RBFOX1: variants seen among roughly 807,000 people sequenced by gnomAD.
RBFOX1 encodes the protein RNA binding protein fox-1 homolog 1.
A neutral mutation model predicts 57.7 loss-of-function variants in RBFOX1; 8 were observed. That is an observed-to-expected ratio of 0.14 (90% confidence interval 0.08 to 0.25). The LOEUF is 0.25. Among genes scored for constraint, RBFOX1 ranks in the 10% least tolerant of loss-of-function variants. The pLI, the probability that RBFOX1 is intolerant of heterozygous loss-of-function variation, is 1.00. For missense variants in RBFOX1, 611 were observed against 548.5 expected (o/e 1.11, Z -1.14); for synonymous variants, 326 against 222.4 (o/e 1.47, Z -4.15).
chr16:7,394,235 C>CAAAAAAAAAAAAAAAAAAAAAA (rs59934126), intron 4 of RBFOX1, among the ~76,000 whole-genome samples: 5 of 55,024 alleles, frequency 9.1e-5, no homozygotes, highest in Non-Finnish European at 1.2e-4. Flanking sequence ...GACTCCGCAT[C>CAAAAAAAAAAAAAAAAAAAAAA]AAAAAAAAAA....
downstream of RBFOX1, among the ~76,000 whole-genome samples, chr16:5,602,111 G>C (rs895721817): frequency 7.9e-5 from 12 of 152,174 alleles, no homozygotes; most frequent in Admixed American, 2.6e-4. Flanking sequence ...GGTCCTTCTG[G>C]CTGGACTCTC....
chr16:6,178,808 T>C (rs923131544), intron 1 of RBFOX1, among the ~76,000 whole-genome samples: 9 of 152,190 alleles, frequency 5.9e-5, no homozygotes, highest in Non-Finnish European at 1.5e-5. Flanking sequence ...TTGATCTTTT[T>C]AGCAAGGGCC....
intron 3 of RBFOX1, among the ~76,000 whole-genome samples, chr16:5,634,736 T>A (rs1425409246): frequency 1.3e-5 from 2 of 152,206 alleles, no homozygotes; most frequent in Non-Finnish European, 2.9e-5. Context: ...CAGCGTATTC[T>A]CTCCATTTCT....
chr16:6,901,448 G>A (rs750543507), intron 3 of RBFOX1, among the ~76,000 whole-genome samples: 3 of 152,136 alleles, frequency 2.0e-5, no homozygotes, highest in African/African-American at 4.8e-5. Flanking sequence ...GTCAAAGGGT[G>A]CCTGGCCTAT....
intron 4 of RBFOX1, among the ~76,000 whole-genome samples, chr16:7,381,013 AAC>A (rs1479065946): frequency 6.6e-6 from 1 of 152,182 alleles, no homozygotes; most frequent in Non-Finnish European, 1.5e-5. Flanking sequence ...TCTTGCATGA[AAC>A]ACTTTCTTGG....
At chr16:6,297,032 C>T (rs1445373737) in intron 1 of RBFOX1, among the ~76,000 whole-genome samples, 2 of 152,194 alleles carry the variant, frequency 1.3e-5, no homozygotes, top group African/African-American at 4.8e-5. Context: ...GTGGGTTATT[C>T]ATGCCTCCCC....
Position 6,779,879 on chromosome 16 carries a change from T to TTA in RBFOX1, c.-16+125237_-16+125238dup, listed in dbSNP as rs1228615512. ...TATATATTTATATATTTATATATAT[T>TTA]TATATATATTTATATATATTTATAT... On this transcript the variant is annotated intron_variant, in intron 3 of 15. Transcript: ENST00000550418. Among the ~76,000 whole-genome samples, 2 of 8,010 alleles carry TTA rather than the reference T, an allele frequency of 2.5e-4. 1 individual carries two copies. Among genetic ancestry groups the TTA allele is most frequent in the African/African-American group, 1.1e-3 (2 of 1,872 alleles). The allele number at this position is 8,010 out of a possible 152,430, so 5.3% of individuals were successfully genotyped here. A position where few individuals can be genotyped will look rare whatever the true frequency, so the allele number is the denominator to read the frequency against.
chr16:7,015,472 C>A (rs1463570146), intron 3 of RBFOX1, among the ~76,000 whole-genome samples: 1 of 152,128 alleles, frequency 6.6e-6, no homozygotes, highest in East Asian at 1.9e-4. Flanking sequence ...TTTTGCTCAT[C>A]AGTGTTCAGA....
intron 1 of RBFOX1, among the ~76,000 whole-genome samples, chr16:6,247,762 A>C (rs1374955617): frequency 1.3e-5 from 2 of 152,208 alleles, no homozygotes; most frequent in Non-Finnish European, 1.5e-5. Context: ...GGCAAGGCTG[A>C]ATTACTCTAC....
chr16:6,044,540 T>C (rs1020640227), intron 1 of RBFOX1, among the ~76,000 whole-genome samples: 15 of 151,926 alleles, frequency 9.9e-5, no homozygotes, highest in African/African-American at 3.1e-4. Context: ...AATGAGCTAA[T>C]TACAGAGAGT....
intron 3 of RBFOX1, among the ~76,000 whole-genome samples, chr16:7,034,579 T>G (rs1448116880): frequency 6.6e-6 from 1 of 152,038 alleles, no homozygotes; most frequent in Non-Finnish European, 1.5e-5. Context: ...TTTTAACTTC[T>G]GTGAAATATC....
chr16:7,622,163 C>T (rs902023942), intron 10 of RBFOX1, among the ~76,000 whole-genome samples: 1 of 152,114 alleles, frequency 6.6e-6, no homozygotes, highest in Non-Finnish European at 1.5e-5. Flanking sequence ...ATTGTTAGAA[C>T]CATGGGTCCA....
chr16:7,474,247 A>G (rs1253245286), intron 4 of RBFOX1, among the ~76,000 whole-genome samples: 1 of 151,470 alleles, frequency 6.6e-6, no homozygotes, highest in East Asian at 2.0e-4. Context: ...AGATCGCGCC[A>G]TTGCACTCCA....
At chr16:5,911,406 A>C (rs1436216954) in intron 4 of RBFOX1, among the ~76,000 whole-genome samples, 1 of 152,178 alleles carries the variant, frequency 6.6e-6, no homozygotes, top group African/African-American at 2.4e-5. Flanking sequence ...CTTGCTGTTG[A>C]GATAAGCACA....
chr16:7,158,449 C>T (rs1229344448), intron 4 of RBFOX1, among the ~76,000 whole-genome samples: 1 of 152,188 alleles, frequency 6.6e-6, no homozygotes, highest in Non-Finnish European at 1.5e-5. Flanking sequence ...ATACCACCTA[C>T]TGATGCAATC....
intron 3 of RBFOX1, among the ~76,000 whole-genome samples, chr16:6,987,008 C>G (rs1015204414): frequency 5.3e-5 from 8 of 152,090 alleles, no homozygotes; most frequent in Admixed American, 4.6e-4. Context: ...TTGGTTAGTC[C>G]ATTCTGAGTG....
chr16:6,143,112 T>C (rs1420669593), intron 1 of RBFOX1, among the ~76,000 whole-genome samples: 1 of 152,228 alleles, frequency 6.6e-6, no homozygotes, highest in African/African-American at 2.4e-5. Context: ...TAAGCTCCAC[T>C]TACTTCTGTG....
At chr16:7,220,589 G>A (rs1453394837) in intron 4 of RBFOX1, among the ~76,000 whole-genome samples, 1 of 152,108 alleles carries the variant, frequency 6.6e-6, no homozygotes, top group Non-Finnish European at 1.5e-5. Context: ...ACTATTTTCT[G>A]TTGTGCAGGT....
intron 10 of RBFOX1, among the ~76,000 whole-genome samples, chr16:7,628,445 G>A (rs1290043506): frequency 6.6e-6 from 1 of 152,128 alleles, no homozygotes; most frequent in Non-Finnish European, 1.5e-5. Context: ...CTGTAGAGGG[G>A]ACTAACTGTC....
Sources: gnomAD v4.1 joint callset for allele counts (sites outside exome capture counted in the v4.1 genomes callset) on GRCh38, gnomAD v4.1.1 for gene constraint, MANE v1.5 for transcripts, NCBI Gene and HGNC (gene_info 2026-07-23, HGNC 2026-07-21) for gene names.